The following PRKG1 variants were observed in gnomAD, a reference collection of about 807,000 sequenced individuals.
PRKG1 encodes the protein protein kinase cGMP-dependent 1.
A neutral mutation model predicts 88.1 loss-of-function variants in PRKG1; 35 were observed. That is an observed-to-expected ratio of 0.40 (90% CI 0.30 to 0.53). The LOEUF (loss-of-function observed/expected upper bound fraction) is 0.53, where lower values mean the gene tolerates loss of function less well. Ranked by LOEUF, PRKG1 falls within the 20% of genes least tolerant of loss-of-function variation. PRKG1 has a pLI of 0.59. For missense variants in PRKG1, 540 were observed against 839.8 expected, an observed-to-expected ratio of 0.64 and a Z score of 4.41; for synonymous variants, 303 against 292.5, an observed-to-expected ratio of 1.04 and a Z score of -0.37.
intron 3 of PRKG1, among the ~76,000 whole-genome samples, chr10:51,641,843 C>A (rs114828109): frequency 3.6e-4 from 55 of 152,152 alleles, no homozygotes; most frequent in African/African-American, 1.2e-3. Context: ...TCCTTTGGAA[C>A]CCCGTTCTCT....
At chr10:51,684,590 C>T (rs1018554586) in intron 3 of PRKG1, among the ~76,000 whole-genome samples, 2 of 151,938 alleles carry the variant, frequency 1.3e-5, no homozygotes, top group Non-Finnish European at 2.9e-5. Context: ...TAAAATTTGG[C>T]CAGGCGCAGT....
At chr10:52,113,102 T>C (rs541723878) in intron 7 of PRKG1, among the ~76,000 whole-genome samples, 1 of 152,272 alleles carries the variant, frequency 6.6e-6, no homozygotes, top group African/African-American at 2.4e-5. Context: ...AGTGTTCTTT[T>C]GAAGATTCAG....
chr10:51,503,730 G>A lies in PRKG1; in HGVS notation c.592+35894G>A, dbSNP rs1463858388. Among the ~76,000 whole-genome samples the A allele has an allele frequency of 2.6e-5, 4 of 152,204 alleles. No homozygotes were observed. The South Asian group carries it at 6.2e-4, about 24-fold the overall frequency. On this transcript the variant is annotated intron_variant, in intron 3 of 17. Coordinates refer to ENST00000373980, the MANE Select transcript of PRKG1 (RefSeq NM_006258.4). Reference sequence around the variant, plus strand: ...GCATCTGGGTAAAAATAAAAAGGTAGGAATGTTTGTAGAGTACTTGAAAGA... The same window carrying A: ...GCATCTGGGTAAAAATAAAAAGGTAAGAATGTTTGTAGAGTACTTGAAAGA...
At chr10:51,904,964 G>A (rs1021138094) in intron 4 of PRKG1, among the ~76,000 whole-genome samples, 3 of 152,060 alleles carry the variant, frequency 2.0e-5, no homozygotes, top group African/African-American at 7.2e-5. Flanking sequence ...AGTATAATAG[G>A]AATAAGCTGG....
intron 3 of PRKG1, among the ~76,000 whole-genome samples, chr10:51,775,642 T>A (rs1316736051): frequency 6.6e-6 from 1 of 151,932 alleles, no homozygotes; most frequent in East Asian, 1.9e-4. Context: ...TGGAGTGCAG[T>A]GGCATGATCT....
At chr10:51,071,387 C>G (rs1353877845), upstream of PRKG1, among the ~76,000 whole-genome samples, 1 of 152,072 alleles carries the variant, frequency 6.6e-6, no homozygotes, top group Non-Finnish European at 1.5e-5. Flanking sequence ...AATTATAAAG[C>G]ATTTAAGGGG....
intron 5 of PRKG1, among the ~76,000 whole-genome samples, chr10:52,006,497 C>T (rs1844739667): frequency 6.6e-6 from 1 of 152,092 alleles, no homozygotes; most frequent in Non-Finnish European, 1.5e-5. Context: ...ATGTTATTAA[C>T]AGCAGAATAG....
intron 3 of PRKG1, among the ~76,000 whole-genome samples, chr10:51,692,535 G>A (rs1361440357): frequency 1.3e-5 from 2 of 152,078 alleles, no homozygotes; most frequent in African/African-American, 2.4e-5. Context: ...GAGCCACCAC[G>A]CCCCGCCCAA....
intron 4 of PRKG1, among the ~76,000 whole-genome samples, chr10:51,882,289 C>G (rs1225325241): frequency 6.6e-6 from 1 of 152,164 alleles, no homozygotes; most frequent in African/African-American, 2.4e-5. Context: ...GGCTCTTTCT[C>G]CAACCAGGTA....
intron 3 of PRKG1, among the ~76,000 whole-genome samples, chr10:51,605,977 G>A (rs72797310): frequency 2.0e-5 from 3 of 152,176 alleles, no homozygotes; most frequent in Non-Finnish European, 4.4e-5. Flanking sequence ...AGACTACATG[G>A]CTAACGCATC....
chr10:51,043,262 G>T (rs926240710), intron 1 of PRKG1, among the ~76,000 whole-genome samples: 51 of 152,320 alleles, frequency 3.3e-4, no homozygotes, highest in African/African-American at 1.2e-3. Context: ...TGGGGAATAA[G>T]TGTTTGTGTT....
At chr10:51,902,722 A>G (rs1267601807) in intron 4 of PRKG1, among the ~76,000 whole-genome samples, 1 of 152,144 alleles carries the variant, frequency 6.6e-6, no homozygotes, top group East Asian at 1.9e-4. Context: ...CCTATCATAA[A>G]CCTACTACCT....
chr10:51,087,911 C>T (rs1365232629), intron 1 of PRKG1, among the ~76,000 whole-genome samples: 1 of 152,126 alleles, frequency 6.6e-6, no homozygotes, highest in Non-Finnish European at 1.5e-5. Flanking sequence ...ATTACAGGTG[C>T]ATGGCACTAC....
intron 2 of PRKG1, among the ~76,000 whole-genome samples, chr10:51,224,753 C>T (rs1838644133): frequency 6.6e-6 from 1 of 152,144 alleles, no homozygotes; most frequent in Admixed American, 6.5e-5. Context: ...AGTATGCAGC[C>T]TCTTAAGTAA....
At chr10:51,157,317 C>A (rs938306487) in intron 2 of PRKG1, among the ~76,000 whole-genome samples, 2 of 151,832 alleles carry the variant, frequency 1.3e-5, no homozygotes, top group African/African-American at 2.4e-5. Flanking sequence ...TTGGAATTAA[C>A]TTTTTAAGGC....
chr10:52,146,742 T>C (rs1392988049), intron 8 of PRKG1, among the ~76,000 whole-genome samples: 2 of 152,252 alleles, frequency 1.3e-5, no homozygotes, highest in Non-Finnish European at 2.9e-5. Context: ...AATTTTTTAT[T>C]TTGTAAAGAA....
intron 3 of PRKG1, among the ~76,000 whole-genome samples, chr10:51,621,284 A>G (rs976453606): frequency 6.6e-5 from 10 of 151,840 alleles, no homozygotes; most frequent in Admixed American, 3.9e-4. Flanking sequence ...TTTTGAAATT[A>G]TATGTCAACA....
At chr10:51,768,196 C>T (rs1272569152) in intron 3 of PRKG1, among the ~76,000 whole-genome samples, 2 of 152,016 alleles carry the variant, frequency 1.3e-5, no homozygotes, top group East Asian at 1.9e-4. Context: ...AACATACACG[C>T]ATGGCATTAT....
At position 50,991,691 on chromosome 10, in the gene PRKG1, G is replaced by A; in HGVS notation, c.266+47G>A. 2 of 1,356,510 alleles carry A rather than the reference G, an allele frequency of 1.5e-6. No individual in the cohort carries two copies. The highest frequency in any genetic ancestry group is 3.6e-5 in the East Asian group (1 of 28,006). 84.0% of individuals were successfully genotyped at this position (1,356,510 alleles called of 1,614,324 possible). On this transcript the variant is annotated intron_variant, in intron 1 of 17. Transcript: ENST00000401604. The surrounding 1 kb of genome is among the most constrained non-coding windows in gnomAD (Gnocchi z 4.5). ...CCGGGCGCTCGTCCCGGCCCGCGGC[G>A]CAGAGGCTGGGGGCTCTGGCCGCGG...
Sources: gnomAD v4.1 joint callset for allele counts (sites outside exome capture counted in the v4.1 genomes callset) on GRCh38, gnomAD v4.1.1 for gene constraint, Gnocchi (gnomAD v3.1) non-coding constraint, MANE v1.5 for transcripts, NCBI Gene and HGNC (gene_info 2026-07-23, HGNC 2026-07-21) for gene names.